SYCP2L: variants seen among roughly 807,000 people sequenced by gnomAD.
SYCP2L encodes the protein synaptonemal complex protein 2-like.
SYCP2L carries 98 observed loss-of-function variants against 125.8 expected under a neutral mutation model. The ratio of observed to expected loss-of-function variants is 0.78; its 90% CI spans 0.66 to 0.92. The LOEUF (loss-of-function observed/expected upper bound fraction) is 0.92, where lower values mean the gene tolerates loss of function less well. Ranked by LOEUF, SYCP2L falls within the 40% of genes least tolerant of loss-of-function variation. SYCP2L has a pLI of 0.00. For missense variants in SYCP2L, 842 were observed against 936.4 expected (o/e 0.90, Z 1.32); for synonymous variants, 317 against 325.4 (o/e 0.97, Z 0.28).
chr6:10,928,764 C>T (rs983841868), intron 18 of SYCP2L, among the ~76,000 whole-genome samples: 1 of 152,070 alleles, frequency 6.6e-6, no homozygotes, highest in Non-Finnish European at 1.5e-5. Flanking sequence ...TCTCAAACTC[C>T]TGGACTTAAG....
At chr6:10,901,061 A>G (rs911743955) in intron 6 of SYCP2L, among the ~76,000 whole-genome samples, 25 of 152,186 alleles carry the variant, frequency 1.6e-4, no homozygotes, top group African/African-American at 5.8e-4. Flanking sequence ...ACGTCTTCTT[A>G]CTTATTTTTA....
chr6:10,958,031 G>A (rs889111975), intron 25 of SYCP2L, among the ~76,000 whole-genome samples: 1 of 152,076 alleles, frequency 6.6e-6, no homozygotes, highest in Non-Finnish European at 1.5e-5. Context: ...TTTGAGAAAA[G>A]TATATTACTC....
rs1780728275 is a variant in SYCP2L at position 10,918,466 on chromosome 6, TTC to T, written c.1072+5541_1072+5542del. On this transcript the variant is annotated intron_variant, in intron 14 of 29. Coordinates refer to ENST00000283141, the MANE Select transcript of SYCP2L (RefSeq NM_001040274.3). Reference sequence around the variant, plus strand: ...ACTTCTTGGAGACTTTGTTCGTATTTTCTTATTCTTTTTTCTTTGTCTTTGTT... The same window carrying T: ...ACTTCTTGGAGACTTTGTTCGTATTTTTATTCTTTTTTCTTTGTCTTTGTT... Among the ~76,000 whole-genome samples, 5 of 152,248 alleles carry T rather than the reference TTC, an allele frequency of 3.3e-5. No homozygotes were observed. The South Asian group carries it at 1.0e-3, about 32-fold the overall frequency.
Position 10,962,747 on chromosome 6 carries a change from A to G in SYCP2L, c.2415-1035A>G, listed in dbSNP as rs144956636. ...CATGTGGGAAGAATAGCATTGCTTCATGTTTTTGCAAATCTCTTTACTGTC... is the reference window on the plus strand; with the variant it reads ...CATGTGGGAAGAATAGCATTGCTTCGTGTTTTTGCAAATCTCTTTACTGTC... On this transcript the variant is annotated intron_variant, in intron 28 of 29. Transcript: ENST00000283141. Among the ~76,000 whole-genome samples the G allele has an allele frequency of 2.0e-5, 3 of 152,314 alleles. No individual in the cohort carries two copies. The East Asian group carries it at 5.8e-4, about 29-fold the overall frequency.
chr6:10,915,864 T>C (rs1219568758), intron 14 of SYCP2L, among the ~76,000 whole-genome samples: 1 of 152,226 alleles, frequency 6.6e-6, no homozygotes, highest in Admixed American at 6.5e-5. Flanking sequence ...TCCCTTTTTC[T>C]CTATCTTGTG....
At position 10,926,451 on chromosome 6, in the gene SYCP2L, A is replaced by C. The variant is rs376756118; in HGVS notation, c.1312+19A>C. ...GAAACAGGTATATTGGGAAATAACA[A>C]AATTCTGACCCTGAGTTTTCTGTAA... is the stretch of plus-strand genomic sequence containing the variant. On this transcript the variant is annotated intron_variant, in intron 16 of 29. Transcript: ENST00000283141. 3 of 1,583,752 alleles carry C rather than the reference A, an allele frequency of 1.9e-6. No homozygotes were observed. Among genetic ancestry groups the C allele is most frequent in the African/African-American group, 2.7e-5 (2 of 74,188 alleles).
intron 8 of SYCP2L, among the ~76,000 whole-genome samples, chr6:10,904,621 A>C (rs931222630): frequency 6.6e-6 from 1 of 152,224 alleles, no homozygotes; most frequent in Non-Finnish European, 1.5e-5. Context: ...CTTTGAACAC[A>C]CTACCTTATT....
At position 10,928,420 on chromosome 6, in the gene SYCP2L, G is replaced by A. The variant is rs749121727; in HGVS notation, c.1458G>A (p.Pro486=). The A allele has an allele frequency of 9.5e-6, 15 of 1,581,116 alleles. No homozygotes were observed. The highest frequency in any genetic ancestry group is 1.8e-4 in the Middle Eastern group (1 of 5,680). Residue 486 remains proline (P), a synonymous_variant, in exon 18 of 30, where the codon CCG becomes CCA. Transcript: ENST00000283141. Reference sequence around the variant, plus strand: ...TGCCATAGCTTCAGCCGGTCCCTCCGTTCGGGGTCCCTGACTTCCCGCAAC... The same window carrying A: ...TGCCATAGCTTCAGCCGGTCCCTCCATTCGGGGTCCCTGACTTCCCGCAAC... ...ASDSHLQPVP[P]FGVPDFPQQP... is the part of the protein sequence containing the mutation.
chr6:10,914,044 G>A (rs1780649168), intron 14 of SYCP2L, among the ~76,000 whole-genome samples: 1 of 152,042 alleles, frequency 6.6e-6, no homozygotes, highest in South Asian at 2.1e-4. Context: ...TGTTGGTCAG[G>A]CTGGTCTTGA....
At chr6:10,890,779 G>A (rs1216321763) in intron 1 of SYCP2L, among the ~76,000 whole-genome samples, 2 of 152,142 alleles carry the variant, frequency 1.3e-5, no homozygotes, top group African/African-American at 4.8e-5. Flanking sequence ...ATGTCCTAAA[G>A]TGTTTCCCCT....
rs1259889146 is a variant in SYCP2L at position 10,904,994 on chromosome 6, T to A, written c.642-1026T>A. Among the ~76,000 whole-genome samples, 3 of 151,182 alleles carry A rather than the reference T, an allele frequency of 2.0e-5. No homozygotes were observed. In the East Asian group the frequency reaches 5.9e-4, roughly 30 times the overall value. ...CCGTCTCTCTTAAAAATACAAAACA[T>A]TAGCTGGGTGTGGCGGGCACCTGTA... is the stretch of plus-strand genomic sequence containing the variant. On this transcript the variant is annotated intron_variant, in intron 8 of 29. Coordinates refer to ENST00000283141, the MANE Select transcript of SYCP2L (RefSeq NM_001040274.3).
intron 8 of SYCP2L, 67 bp from the exon 9 acceptor site, chr6:10,905,953 C>CT (rs1185241563): frequency 9.7e-7 from 1 of 1,034,956 alleles, no homozygotes; most frequent in African/African-American, 1.6e-5. Context: ...AAGTTTAATG[C>CT]TAGTGTAGTA....
At chr6:10,936,640 GAC>G (rs1237446176) in intron 21 of SYCP2L, among the ~76,000 whole-genome samples, 1 of 152,146 alleles carries the variant, frequency 6.6e-6, no homozygotes, top group South Asian at 2.1e-4. Flanking sequence ...CCAATCAAAA[GAC>G]ACAGAGTGGT....
intron 20 of SYCP2L, 115 bp from the exon 21 acceptor site, chr6:10,934,941 AAT>A (rs1781065948): frequency 1.6e-5 from 15 of 960,450 alleles, no homozygotes; most frequent in Non-Finnish European, 2.1e-5. Flanking sequence ...TTTATTTTCA[AAT>A]GGAGTAAATC....
chr6:10,951,614 C>T (rs1255814802), intron 23 of SYCP2L, among the ~76,000 whole-genome samples: 2 of 152,158 alleles, frequency 1.3e-5, no homozygotes, highest in African/African-American at 4.8e-5. Flanking sequence ...TAAAGATAGT[C>T]TTTAAATTGT....
chr6:10,898,953 AT>A, intron 6 of SYCP2L, 105 bp downstream of exon 6: 1 of 769,694 alleles, frequency 1.3e-6, no homozygotes. Flanking sequence ...GAGTTTAAAC[AT>A]TTTATTTGGA....
rs1376381951 is a variant in SYCP2L, at chr6:10,912,880, A to T, written c.1025A>T (p.Asp342Val). 6.2e-7 allele frequency: 1 copy of T among 1,613,854 alleles called. No homozygotes were observed. The highest frequency in any genetic ancestry group is 1.7e-5 in the Admixed American group (1 of 59,990). ...TATTTTCCCAAGAATACTCTATGGG[A>T]CTCAGTGACACTTCCGAAGGAAGCG... ...YIDNAENTLW[D>V]SVTLPKEAVM... The change falls in exon 14 of 30, where the codon GAC becomes GTC. Residue 342 changes from aspartate to valine, a missense_variant. Physicochemically the swap from Asp to Val is radical, Grantham distance 152. Coordinates refer to ENST00000283141, the MANE Select transcript of SYCP2L (RefSeq NM_001040274.3). This position sits in a 1 kb window ranked among gnomAD's most constrained non-coding sequence, Gnocchi z 4.1.
At position 10,928,429 on chromosome 6, in the gene SYCP2L, C is replaced by A; in HGVS notation, c.1467C>A (p.Val489=). The change falls in exon 18 of 30, where the codon GTC becomes GTA. Residue 489 remains valine (V), a synonymous_variant. Coordinates refer to ENST00000283141, the MANE Select transcript of SYCP2L (RefSeq NM_001040274.3). ...SHLQPVPPFG[V]PDFPQQPKSH... is the part of the protein sequence containing the mutation. ...TTCAGCCGGTCCCTCCGTTCGGGGT[C>A]CCTGACTTCCCGCAACAACCTGTGA... 6.3e-7 allele frequency: 1 copy of A among 1,585,008 alleles called. No homozygotes were observed. The highest frequency in any genetic ancestry group is 8.6e-7 in the Non-Finnish European group (1 of 1,166,942).
Position 10,912,795 on chromosome 6 carries a change from A to G in SYCP2L, c.1011+30A>G, listed in dbSNP as rs749877564. On this transcript the variant is annotated intron_variant, in intron 13 of 29. Transcript: ENST00000283141. The surrounding 1 kb of genome is among the most constrained non-coding windows in gnomAD (Gnocchi z 4.1). ...TGATGTTCGATTCTTGGTTAGAACT[A>G]AGCCTTTAGAGATCTTTTTTATGTA... 6 of 1,607,946 alleles carry G rather than the reference A, an allele frequency of 3.7e-6. No homozygotes were observed. The highest frequency in any genetic ancestry group is 5.1e-6 in the Non-Finnish European group (6 of 1,174,942).
Sources: allele counts gnomAD v4.1 joint callset (sites outside exome capture counted in the v4.1 genomes callset), GRCh38; gene constraint gnomAD v4.1.1; non-coding constraint Gnocchi (gnomAD v3.1); transcripts MANE v1.5; gene names NCBI Gene and HGNC (gene_info 2026-07-23, HGNC 2026-07-21).